NAV2: variants seen among roughly 807,000 people sequenced by gnomAD.
NAV2 encodes neuron navigator 2, also known as helicase, APC down-regulated 1.
Under a neutral mutation model 223.2 loss-of-function variants are expected in NAV2, and 54 were observed. The ratio of observed to expected loss-of-function variants is 0.24; its 90% CI spans 0.19 to 0.30. The LOEUF (loss-of-function observed/expected upper bound fraction) is 0.30, where lower values mean the gene tolerates loss of function less well. Among genes scored for constraint, NAV2 ranks in the 10% least tolerant of loss-of-function variants. The pLI, the probability that NAV2 is intolerant of heterozygous loss-of-function variation, is 1.00. For synonymous variants in NAV2, 1,279 were observed against 1,239.3 expected (o/e 1.03, Z -0.67); for missense variants, 2,806 against 3,147.5 (o/e 0.89, Z 2.60).
rs1478610350 is a variant in NAV2 at position 19,851,426 on chromosome 11, T to C, written c.438+8503T>C. 2.0e-5 allele frequency among the ~76,000 whole-genome samples: 3 copies of C among 152,186 alleles called. No homozygotes were observed. In the East Asian group the frequency reaches 5.8e-4, roughly 29 times the overall value. Reference sequence around the variant, plus strand: ...TCTGTTTTGGGAAGGAGATGTGGGATAAGAAGAATAAGCATGGGCTCTGGG... The same window carrying C: ...TCTGTTTTGGGAAGGAGATGTGGGACAAGAAGAATAAGCATGGGCTCTGGG... On this transcript the variant is annotated intron_variant, in intron 3 of 37. Coordinates refer to ENST00000349880, the MANE Select transcript of NAV2 (RefSeq NM_145117.5).
rs556639360 is a variant in NAV2, at chr11:19,427,652, A to G, written c.75+76625A>G. On this transcript the variant is annotated intron_variant, in intron 1 of 37. Transcript: ENST00000360655. Reference sequence around the variant, plus strand: ...GGGGGTCAAGGCGGGGCGGAATTGCAATCTCCCACAGCCATGCCAACAGTG... The same window carrying G: ...GGGGGTCAAGGCGGGGCGGAATTGCGATCTCCCACAGCCATGCCAACAGTG... 1.2e-4 allele frequency among the ~76,000 whole-genome samples: 19 copies of G among 152,328 alleles called. No homozygotes were observed. The South Asian group carries it at 3.9e-3, about 32-fold the overall frequency.
chr11:19,870,592 C>T (rs1184240252), intron 4 of NAV2, among the ~76,000 whole-genome samples: 1 of 152,088 alleles, frequency 6.6e-6, no homozygotes, highest in East Asian at 1.9e-4. Flanking sequence ...CCCCATCTGT[C>T]CCATCCTCTC....
intron 1 of NAV2, among the ~76,000 whole-genome samples, chr11:19,780,069 T>TTC (rs2056612330): frequency 6.6e-6 from 1 of 152,270 alleles, no homozygotes; most frequent in African/African-American, 2.4e-5. Flanking sequence ...CTTCATGTTC[T>TTC]ATTTTAAGGC....
chr11:19,933,586 A>C lies in NAV2; in HGVS notation c.1342A>C (p.Met448Leu). The C allele has an allele frequency of 6.2e-7, 1 of 1,612,264 alleles. No homozygotes were observed. The highest frequency in any genetic ancestry group is 8.5e-7 in the Non-Finnish European group (1 of 1,178,630). Residue 448 changes from methionine (M) to leucine (L), a missense_variant, in exon 7 of 38, where the codon ATG becomes CTG. Around this residue, in one of 4 missense-constraint regions of NAV2, gnomAD observed 1,167 missense variants for 1,180.5 expected, o/e 0.99. Transcript: ENST00000349880. This position sits in a 1 kb window ranked among gnomAD's most constrained non-coding sequence, Gnocchi z 4.3. ...ESEELEAASR[M>L]LTTVGPASSS... ...CGAGGAGCTGGAGGCCGCCAGTCGC[A>C]TGCTCACCACCGTGGGCCCTGCTTC...
rs113719972 is a variant in NAV2 at position 20,019,490 on chromosome 11, T to G, written c.2769-16469T>G. Among the ~76,000 whole-genome samples the G allele has an allele frequency of 2.5e-3, 376 of 152,218 alleles. 1 individual carries two copies. Among genetic ancestry groups the G allele is most frequent in the African/African-American group, 8.6e-3 (359 of 41,536 alleles). ...GTACACAAAGGGGCCAGGCTAGAGA[T>G]TACAGACTTTAGAGTTGTCTGCCTT... On this transcript the variant is annotated intron_variant, in intron 11 of 37. Coordinates refer to ENST00000349880, the MANE Select transcript of NAV2 (RefSeq NM_145117.5).
At chr11:19,572,106 T>C (rs1215716093) in intron 1 of NAV2, among the ~76,000 whole-genome samples, 2 of 152,218 alleles carry the variant, frequency 1.3e-5, no homozygotes, top group African/African-American at 4.8e-5. Context: ...GAAGATGCTC[T>C]TTTGGCCCAA....
At chr11:19,371,705 G>A (rs1279026795) in intron 1 of NAV2, among the ~76,000 whole-genome samples, 2 of 150,806 alleles carry the variant, frequency 1.3e-5, no homozygotes, top group African/African-American at 4.9e-5. Flanking sequence ...CCCTAATTCT[G>A]CTCTGCCAGG....
At position 20,103,246 on chromosome 11, in the gene NAV2, C is replaced by A; in HGVS notation, c.6418-9C>A. The A allele has an allele frequency of 1.9e-6, 3 of 1,607,942 alleles. No individual in the cohort carries two copies. Among genetic ancestry groups the A allele is most frequent in the Non-Finnish European group, 2.5e-6 (3 of 1,176,556 alleles). ...ACTTGTTCTCCTTCGGCCTTCCTGG[C>A]CACCATAGGAATTGCGCCAGTACCT... On this transcript the variant is annotated splice_polypyrimidine_tract_variant and intron_variant, in intron 32 of 37. Coordinates refer to ENST00000349880, the MANE Select transcript of NAV2 (RefSeq NM_145117.5).
chr11:20,032,189 C>T lies in NAV2; in HGVS notation c.2769-3770C>T, dbSNP rs541038826. 2.0e-4 allele frequency among the ~76,000 whole-genome samples: 30 copies of T among 152,320 alleles called. No homozygotes were observed. In the Middle Eastern group the frequency reaches 0.014, roughly 69 times the overall value. On this transcript the variant is annotated intron_variant, in intron 11 of 37. Coordinates refer to ENST00000349880, the MANE Select transcript of NAV2 (RefSeq NM_145117.5). ...ACAGCTCTGGCAAATATCGAGGCTG[C>T]CCTTGCTCATTGTGGCCTTCCCTCG... is the stretch of plus-strand genomic sequence containing the variant.
chr11:20,080,349 T>C (rs1482871875), intron 25 of NAV2, 140 bp downstream of exon 25: 1 of 742,296 alleles, frequency 1.3e-6, no homozygotes, highest in Non-Finnish European at 2.2e-6. Context: ...GGAAATGGTT[T>C]GTGGATGGGT....
intron 1 of NAV2, among the ~76,000 whole-genome samples, chr11:19,360,640 GC>G (rs1382562780): frequency 6.6e-6 from 1 of 152,184 alleles, no homozygotes; most frequent in Non-Finnish European, 1.5e-5. Context: ...ATAAAACCTA[GC>G]TTTTGAGGGT....
chr11:19,669,955 C>T (rs1475672561), intron 1 of NAV2, among the ~76,000 whole-genome samples: 1 of 152,174 alleles, frequency 6.6e-6, no homozygotes, highest in Non-Finnish European at 1.5e-5. Context: ...GCCCTGCATA[C>T]ACACATCAAC....
At chr11:19,389,664 C>T (rs940919686) in intron 1 of NAV2, among the ~76,000 whole-genome samples, 10 of 152,138 alleles carry the variant, frequency 6.6e-5, no homozygotes, top group African/African-American at 1.9e-4. Context: ...TGTGAATGGT[C>T]GGTGCAGTGT....
At chr11:19,813,597 G>A (rs1013055347) in intron 1 of NAV2, among the ~76,000 whole-genome samples, 3 of 152,198 alleles carry the variant, frequency 2.0e-5, no homozygotes, top group East Asian at 3.9e-4. Context: ...GTGGGTTGGG[G>A]TAACATAAGC....
Position 20,120,996 on chromosome 11 carries a change from A to G in NAV2, c.*2738A>G, listed in dbSNP as rs1331893465. 1.3e-5 allele frequency: 2 copies of G among 152,530 alleles called. No individual in the cohort carries two copies. Among genetic ancestry groups the G allele is most frequent in the Non-Finnish European group, 2.9e-5 (2 of 68,032 alleles). 9.4% of individuals were successfully genotyped at this position (152,530 alleles called of 1,614,324 possible). A position where few individuals can be genotyped will look rare whatever the true frequency, so the allele number is the denominator to read the frequency against. On this transcript the variant is annotated 3_prime_UTR_variant, in exon 38 of 38. Transcript: ENST00000349880. ...CAAAAGTTCTCTTCCCAAACTGCCA[A>G]GAATGATACAGGCCATAATTGAAAT...
chr11:19,980,546 G>T (rs1410789610), intron 10 of NAV2, among the ~76,000 whole-genome samples: 1 of 152,192 alleles, frequency 6.6e-6, no homozygotes, highest in East Asian at 1.9e-4. Flanking sequence ...GAGGCCATCA[G>T]TCCTCTGGCT....
At chr11:19,514,571 T>C (rs2043383693) in intron 1 of NAV2, among the ~76,000 whole-genome samples, 1 of 152,094 alleles carries the variant, frequency 6.6e-6, no homozygotes, top group Non-Finnish European at 1.5e-5. Flanking sequence ...ATCCCTGACA[T>C]TTTATTTGAA....
At chr11:19,658,720 A>G (rs990064188) in intron 1 of NAV2, among the ~76,000 whole-genome samples, 2 of 152,302 alleles carry the variant, frequency 1.3e-5, no homozygotes, top group African/African-American at 4.8e-5. Context: ...CTAATTCTGC[A>G]TTCACTGACA....
intron 1 of NAV2, among the ~76,000 whole-genome samples, chr11:19,616,789 G>A (rs2046808569): frequency 6.6e-6 from 1 of 151,994 alleles, no homozygotes; most frequent in East Asian, 1.9e-4. Flanking sequence ...TCCTTTTCCT[G>A]GTTCTTTTCA....
Sources: allele counts gnomAD v4.1 joint callset (sites outside exome capture counted in the v4.1 genomes callset), GRCh38; gene constraint gnomAD v4.1.1; regional missense constraint gnomAD v4.1.1; non-coding constraint Gnocchi (gnomAD v3.1); transcripts MANE v1.5; gene names NCBI Gene and HGNC (gene_info 2026-07-23, HGNC 2026-07-21).